Variants in DGKI observed in about 807,000 individuals in gnomAD.
DGKI encodes the protein diacylglycerol kinase iota, also known as DAG kinase iota.
In DGKI, 55 loss-of-function variants were observed where a neutral mutation model predicts 147.5. The observed-to-expected ratio is 0.37, with a 90% CI of 0.30 to 0.47. The LOEUF is 0.47. Ranked by LOEUF, DGKI falls within the 20% of genes least tolerant of loss-of-function variation. The pLI is 1.00. For missense variants in DGKI, 1,007 were observed against 1,323.8 expected (o/e 0.76, Z 3.71); for synonymous variants, 469 against 477.1 (o/e 0.98, Z 0.22).
chr7:137,772,201 A>C (rs1038687120), intron 1 of DGKI: 9 of 149,324 alleles, frequency 6.0e-5, no homozygotes, highest in African/African-American at 2.3e-4. Flanking sequence ...ACTCTGTTGA[A>C]ATACATCATA....
At chr7:137,703,309 G>T (rs563426068) in intron 1 of DGKI, among the ~76,000 whole-genome samples, 2 of 152,250 alleles carry the variant, frequency 1.3e-5, no homozygotes, top group South Asian at 4.1e-4. Flanking sequence ...ATCCACCCAC[G>T]TGATCCAATC....
intron 13 of DGKI, among the ~76,000 whole-genome samples, chr7:137,586,478 T>C (rs1819401944): frequency 6.6e-6 from 1 of 152,050 alleles, no homozygotes; most frequent in African/African-American, 2.4e-5. Context: ...TGCATATGTA[T>C]ATATACACAG....
intron 3 of DGKI, among the ~76,000 whole-genome samples, chr7:137,672,164 T>A (rs1031359773): frequency 5.9e-5 from 9 of 152,356 alleles, no homozygotes; most frequent in African/African-American, 1.9e-4. Flanking sequence ...AAGCCTGCTG[T>A]AGACGCACCT....
At chr7:137,459,469 A>C (rs1416445761) in intron 27 of DGKI, among the ~76,000 whole-genome samples, 3 of 144,602 alleles carry the variant, frequency 2.1e-5, no homozygotes, top group Admixed American at 1.3e-4. Flanking sequence ...GAATTTTTTA[A>C]ATTTTTTTTT....
chr7:137,422,637 C>T (rs1232458892), intron 28 of DGKI, among the ~76,000 whole-genome samples: 1 of 102,312 alleles, frequency 9.8e-6, no homozygotes, highest in Admixed American at 1.6e-4. Context: ...TGGAGTCTTG[C>T]ACTCTCACCC....
chr7:137,519,799 C>G (rs73449406), intron 21 of DGKI, among the ~76,000 whole-genome samples: 1,587 of 152,092 alleles, frequency 0.01, 24 homozygotes, highest in African/African-American at 0.036. Flanking sequence ...GTTAGAAGCA[C>G]CATCACCGCA....
chr7:137,393,785 T>C lies in DGKI; in HGVS notation c.3057+1813A>G, dbSNP rs577701473. 3.9e-5 allele frequency among the ~76,000 whole-genome samples: 6 copies of C among 152,162 alleles called. No homozygotes were observed. In the Middle Eastern group the frequency reaches 0.014, roughly 345 times the overall value. ...AGCCAGGGACTTCAGAGAGCAAGGG[T>C]GCTCATGGGTTGCCAGGAAAGTGGA... On this transcript the variant is annotated intron_variant, in intron 32 of 32. Coordinates refer to ENST00000614521, the MANE Select transcript of DGKI (RefSeq NM_001321708.2).
At chr7:137,642,929 AGTGTGTGTGTGT>A (rs1207086851) in intron 6 of DGKI, among the ~76,000 whole-genome samples, 79 of 121,206 alleles carry the variant, frequency 6.5e-4, no homozygotes, top group Middle Eastern at 4.4e-3. Flanking sequence ...ATTATGGAAT[AGTGTGTGTGTGT>A]GTGTGTGTGT....
At chr7:137,395,834 TG>T in intron 31 of DGKI, 137 bp from the exon 32 acceptor site, 1 of 649,784 alleles carries the variant, frequency 1.5e-6, no homozygotes, top group Non-Finnish European at 2.6e-6. Context: ...GGGTACATTC[TG>T]GGGAGGTAGG....
intron 21 of DGKI, among the ~76,000 whole-genome samples, chr7:137,490,863 CT>C (rs1815738673): frequency 6.6e-6 from 1 of 152,160 alleles, no homozygotes; most frequent in Non-Finnish European, 1.5e-5. Context: ...CACAATGGAA[CT>C]TTTATTGCAG....
chr7:137,688,072 G>T (rs1014574069), intron 2 of DGKI, among the ~76,000 whole-genome samples: 80 of 152,146 alleles, frequency 5.3e-4, no homozygotes, highest in African/African-American at 1.8e-3. Flanking sequence ...TCTGGCTCAG[G>T]CAGGACACTT....
intron 6 of DGKI, among the ~76,000 whole-genome samples, chr7:137,627,233 C>T (rs940891048): frequency 1.3e-5 from 2 of 152,214 alleles, no homozygotes; most frequent in African/African-American, 4.8e-5. Context: ...TGTGACCTCT[C>T]CTTGTACAGG....
At chr7:137,750,942 A>T (rs1197108886) in intron 1 of DGKI, among the ~76,000 whole-genome samples, 2 of 152,184 alleles carry the variant, frequency 1.3e-5, no homozygotes, top group Non-Finnish European at 2.9e-5. Flanking sequence ...TTTCAGAGAC[A>T]ATTTTATACA....
intron 5 of DGKI, among the ~76,000 whole-genome samples, chr7:137,653,425 T>A (rs1470533445): frequency 6.6e-6 from 1 of 152,182 alleles, no homozygotes; most frequent in Non-Finnish European, 1.5e-5. Flanking sequence ...CTCCCAACTA[T>A]CCTGATGATA....
At chr7:137,845,329 C>T (rs539459075) in intron 1 of DGKI, among the ~76,000 whole-genome samples, 1 of 152,314 alleles carries the variant, frequency 6.6e-6, no homozygotes, top group African/African-American at 2.4e-5. Flanking sequence ...CCCTCCCAAA[C>T]CCACACACCT....
chr7:137,659,285 T>C (rs111440314), intron 3 of DGKI, among the ~76,000 whole-genome samples: 14 of 152,320 alleles, frequency 9.2e-5, no homozygotes, highest in African/African-American at 2.9e-4. Context: ...TCTTTTGCCA[T>C]AGTAGAAAAG....
chr7:137,743,144 G>A (rs1477822861), intron 1 of DGKI, among the ~76,000 whole-genome samples: 1 of 152,158 alleles, frequency 6.6e-6, no homozygotes, highest in Non-Finnish European at 1.5e-5. Flanking sequence ...ATTACTTTTA[G>A]ACCTAAGAAA....
At chr7:137,493,091 G>A (rs1002655407) in intron 21 of DGKI, among the ~76,000 whole-genome samples, 2 of 152,050 alleles carry the variant, frequency 1.3e-5, no homozygotes, top group African/African-American at 2.4e-5. Context: ...ACGTATCTAC[G>A]ACCCACTGTG....
intron 3 of DGKI, among the ~76,000 whole-genome samples, chr7:137,666,578 T>C (rs746944261): frequency 1.3e-5 from 2 of 152,216 alleles, no homozygotes; most frequent in Non-Finnish European, 2.9e-5. Flanking sequence ...AGCCAGTCTT[T>C]ATAACAAGCA....
Sources: gnomAD v4.1 joint callset for allele counts (sites outside exome capture counted in the v4.1 genomes callset) on GRCh38, gnomAD v4.1.1 for gene constraint, MANE v1.5 for transcripts, NCBI Gene and HGNC (gene_info 2026-07-23, HGNC 2026-07-21) for gene names.